Variants in BMPR1A observed in about 807,000 individuals in gnomAD.
BMPR1A encodes bone morphogenetic protein receptor type-1A.
BMPR1A carries 7 observed loss-of-function variants against 66.0 expected under a neutral mutation model. The ratio of observed to expected loss-of-function variants is 0.11; its 90% CI spans 0.06 to 0.20. BMPR1A has a LOEUF of 0.20. BMPR1A is among the 10% of genes least tolerant of loss of function. BMPR1A has a pLI of 1.00. For missense variants in BMPR1A, 408 were observed against 669.1 expected (o/e 0.61, Z 4.31); for synonymous variants, 200 against 229.7 (o/e 0.87, Z 1.17).
chr10:86,874,103 G>T (rs924806852), intron 2 of BMPR1A, among the ~76,000 whole-genome samples: 7 of 152,252 alleles, frequency 4.6e-5, no homozygotes, highest in South Asian at 4.1e-4. Flanking sequence ...TGTCATTCAG[G>T]AATAGTTCAA....
At chr10:86,861,781 G>A (rs900174059) in intron 2 of BMPR1A, among the ~76,000 whole-genome samples, 5 of 152,288 alleles carry the variant, frequency 3.3e-5, no homozygotes, top group African/African-American at 4.8e-5. Flanking sequence ...TGAAAACAGC[G>A]GAAACTTTTT....
intron 3 of BMPR1A, among the ~76,000 whole-genome samples, chr10:86,877,105 T>C (rs1189542093): frequency 6.6e-6 from 1 of 152,222 alleles, no homozygotes; most frequent in African/African-American, 2.4e-5. Flanking sequence ...AGTTTTTTAC[T>C]TCACAGGTTG....
intron 1 of BMPR1A, among the ~76,000 whole-genome samples, chr10:86,834,746 A>G (rs1275970682): frequency 6.6e-6 from 1 of 152,182 alleles, no homozygotes; most frequent in African/African-American, 2.4e-5. Context: ...AAACCACATT[A>G]TGTTTTTCTG....
chr10:86,854,665 G>A (rs139875624), intron 2 of BMPR1A: 12 of 203,246 alleles, frequency 5.9e-5, no homozygotes, highest in African/African-American at 2.6e-4. Context: ...TTAACGACCT[G>A]GAAAAGCTCA....
chr10:86,804,240 C>G (rs1841852976), intron 1 of BMPR1A, among the ~76,000 whole-genome samples: 1 of 151,988 alleles, frequency 6.6e-6, no homozygotes. Flanking sequence ...TTTTGTATCA[C>G]ATAGTTTTCT....
At chr10:86,801,118 A>G (rs1339982637) in intron 1 of BMPR1A, among the ~76,000 whole-genome samples, 1 of 152,174 alleles carries the variant, frequency 6.6e-6, no homozygotes, top group East Asian at 1.9e-4. Context: ...ACATAAGCTT[A>G]TTTTTTAAAT....
Position 86,912,247 on chromosome 10 carries a change from T to C in BMPR1A, c.538T>C (p.Cys180Arg). 1 of 1,613,428 alleles carries C rather than the reference T, an allele frequency of 6.2e-7. No individual in the cohort carries two copies. Among genetic ancestry groups the C allele is most frequent in the Non-Finnish European group, 8.5e-7 (1 of 1,179,862 alleles). The change falls in exon 8 of 13, where the codon TGC becomes CGC. Residue 180 changes from cysteine to arginine, a missense_variant. Cys to Arg is a radical substitution (Grantham distance 180). Around this residue, in one of 5 missense-constraint regions of BMPR1A, gnomAD observed 174 missense variants for 265.1 expected, o/e 0.66. Transcript: ENST00000372037. The stretch of plus-strand genomic sequence containing the variant: ...TTTCTGCTTTTTTAAAAGACATTAT[T>C]GCAAGAGCATCTCAAGCAGACGTCG... ...FSSCFCYKHY[C>R]KSISSRRRYN...
At chr10:86,806,060 G>A (rs1841885823) in intron 1 of BMPR1A, among the ~76,000 whole-genome samples, 1 of 151,986 alleles carries the variant, frequency 6.6e-6, no homozygotes, top group Non-Finnish European at 1.5e-5. Flanking sequence ...AGAACACCAG[G>A]CCAGTTATTT....
At chr10:86,873,133 A>AT (rs1395116746) in intron 2 of BMPR1A, among the ~76,000 whole-genome samples, 17 of 152,188 alleles carry the variant, frequency 1.1e-4, no homozygotes, top group Non-Finnish European at 1.5e-5. Flanking sequence ...ACAAGGCCAC[A>AT]TATTAGCTTT....
intron 3 of BMPR1A, among the ~76,000 whole-genome samples, chr10:86,884,930 CTAACTA>C (rs1843050598): frequency 6.6e-6 from 1 of 152,110 alleles, no homozygotes; most frequent in Non-Finnish European, 1.5e-5. Flanking sequence ...TGAAATACAT[CTAACTA>C]TAATTTTTTA....
intron 1 of BMPR1A, among the ~76,000 whole-genome samples, chr10:86,825,723 T>C (rs1361760439): frequency 6.6e-6 from 1 of 152,208 alleles, no homozygotes; most frequent in East Asian, 1.9e-4. Context: ...GTGATCCTCC[T>C]GCTTCAGTCA....
At chr10:86,790,267 C>T (rs990506338) in intron 1 of BMPR1A, among the ~76,000 whole-genome samples, 1 of 127,622 alleles carries the variant, frequency 7.8e-6, no homozygotes, top group African/African-American at 2.9e-5. Flanking sequence ...GCTTCTTACC[C>T]ACTAGGATGT....
intron 1 of BMPR1A, among the ~76,000 whole-genome samples, chr10:86,793,228 G>T (rs1841656985): frequency 6.6e-6 from 1 of 151,890 alleles, no homozygotes; most frequent in African/African-American, 2.4e-5. Context: ...AGAGGAAGAA[G>T]AATTAAAAAG....
downstream of BMPR1A, chr10:86,931,298 C>CACACACATATATATATATAT: frequency 1.2e-3 from 108 of 90,860 alleles, no homozygotes; most frequent in Middle Eastern, 6.0e-3. Flanking sequence ...CACACACACA[C>CACACACATATATATATATAT]ATATATATAT....
At chr10:86,856,205 A>G in intron 2 of BMPR1A, 1 of 524,326 alleles carries the variant, frequency 1.9e-6, no homozygotes, top group South Asian at 1.4e-5. Flanking sequence ...CATTCACTAC[A>G]TCGTTGTAGT....
chr10:86,848,150 C>T (rs1255252221), intron 2 of BMPR1A, among the ~76,000 whole-genome samples: 3 of 152,048 alleles, frequency 2.0e-5, no homozygotes, highest in Non-Finnish European at 4.4e-5. Context: ...TCAGGCTGGT[C>T]TTGAACTCCC....
chr10:86,914,117 TA>T (rs74542203), intron 8 of BMPR1A, among the ~76,000 whole-genome samples: 95 of 138,820 alleles, frequency 6.8e-4, no homozygotes, highest in East Asian at 1.9e-3. Flanking sequence ...GTTAATTGAT[TA>T]AAAAAAAAAA....
downstream of BMPR1A, chr10:86,932,837 G>C (rs1843824057): frequency 6.6e-6 from 1 of 152,216 alleles, no homozygotes; most frequent in African/African-American, 2.4e-5. Flanking sequence ...CAGTAGGAGT[G>C]ACTTTGACAT....
intron 7 of BMPR1A, among the ~76,000 whole-genome samples, chr10:86,902,848 T>C (rs1258761813): frequency 6.6e-6 from 1 of 152,088 alleles, no homozygotes; most frequent in East Asian, 1.9e-4. Flanking sequence ...AAAGAGCACC[T>C]GAAATGATTG....
Sources: gnomAD v4.1 joint callset for allele counts (sites outside exome capture counted in the v4.1 genomes callset) on GRCh38, gnomAD v4.1.1 for gene constraint, gnomAD v4.1.1 regional missense constraint, MANE v1.5 for transcripts, NCBI Gene and HGNC (gene_info 2026-07-23, HGNC 2026-07-21) for gene names.